Variants in UBE2D2 observed in about 807,000 individuals in gnomAD.
UBE2D2 encodes the protein ubiquitin-conjugating enzyme E2 D2.
Under a neutral mutation model 24.2 loss-of-function variants are expected in UBE2D2, and 2 were observed. The ratio of observed to expected loss-of-function variants is 0.08; its 90% CI spans 0.03 to 0.26. UBE2D2 has a LOEUF of 0.26. Ranked by LOEUF, UBE2D2 falls within the 10% of genes least tolerant of loss-of-function variation. The pLI, the probability that UBE2D2 is intolerant of heterozygous loss-of-function variation, is 1.00. For synonymous variants in UBE2D2, 58 were observed against 56.5 expected, an observed-to-expected ratio of 1.03 and a Z score of -0.12; for missense variants, 44 against 177.6, an observed-to-expected ratio of 0.25 and a Z score of 4.28.
At chr5:139,604,711 C>G (rs944008217) in intron 2 of UBE2D2, among the ~76,000 whole-genome samples, 27 of 151,838 alleles carry the variant, frequency 1.8e-4, no homozygotes, top group Admixed American at 1.2e-3. Flanking sequence ...AAAGCAAGAC[C>G]CCATCTTTAA....
chr5:139,564,375 A>G (rs965900932), intron 1 of UBE2D2, among the ~76,000 whole-genome samples: 2 of 151,424 alleles, frequency 1.3e-5, no homozygotes, highest in African/African-American at 4.9e-5. Context: ...GCTGATTTCT[A>G]GTTCCTGACC....
chr5:139,549,350 G>A (rs904387406), intron 1 of UBE2D2, among the ~76,000 whole-genome samples: 2 of 152,172 alleles, frequency 1.3e-5, no homozygotes, highest in South Asian at 2.1e-4. Context: ...GGAGGGAGAG[G>A]CCCAGGCAGG....
At chr5:139,533,080 C>G (rs1167921301) in intron 1 of UBE2D2, among the ~76,000 whole-genome samples, 2 of 151,232 alleles carry the variant, frequency 1.3e-5, no homozygotes, top group Non-Finnish European at 2.9e-5. Flanking sequence ...TGGACTCCAG[C>G]CTGGGTGACA....
intron 1 of UBE2D2, among the ~76,000 whole-genome samples, chr5:139,591,688 G>A (rs79210753): frequency 6.6e-6 from 1 of 152,292 alleles, no homozygotes; most frequent in East Asian, 1.9e-4. Context: ...TCAAACTCAT[G>A]TAAGTTAATG....
At chr5:139,526,486 G>A (rs1256366774) in exon 1 of UBE2D2, 5 of 152,352 alleles carry the variant, frequency 3.3e-5, no homozygotes, top group Admixed American at 6.5e-5. Flanking sequence ...GAGCGCTCCC[G>A]GGTAGGAAAT....
intron 1 of UBE2D2, among the ~76,000 whole-genome samples, chr5:139,591,144 G>A (rs1190907889): frequency 2.1e-5 from 3 of 143,080 alleles, no homozygotes; most frequent in South Asian, 2.2e-4. Flanking sequence ...TTTTTAAGAC[G>A]GAGTTTCGCT....
chr5:139,585,241 C>A lies in UBE2D2; in HGVS notation c.25-15131C>A, dbSNP rs1346620591. On this transcript the variant is annotated intron_variant, in intron 1 of 6. Coordinates refer to ENST00000398733, the MANE Select transcript of UBE2D2 (RefSeq NM_003339.3). ...TTTTTTTTTTTGAGACAGAGTTTTACCCCATCCCCCAAGATGGTTGGAGTA... is the reference window on the plus strand; with the variant it reads ...TTTTTTTTTTTGAGACAGAGTTTTAACCCATCCCCCAAGATGGTTGGAGTA... Among the ~76,000 whole-genome samples the A allele has an allele frequency of 2.0e-5, 3 of 148,520 alleles. No individual in the cohort carries two copies. In the Admixed American group the frequency reaches 2.0e-4, roughly 10 times the overall value.
chr5:139,573,201 C>T (rs941197181), intron 1 of UBE2D2, among the ~76,000 whole-genome samples: 28 of 151,230 alleles, frequency 1.9e-4, no homozygotes, highest in African/African-American at 6.1e-4. Flanking sequence ...ACTCAGGAGG[C>T]TGAGGCAGGA....
At chr5:139,581,782 C>T (rs1285567289) in intron 1 of UBE2D2, among the ~76,000 whole-genome samples, 1 of 151,918 alleles carries the variant, frequency 6.6e-6, no homozygotes, top group African/African-American at 2.4e-5. Context: ...TATTCTCCTG[C>T]CTCAGCCTCC....
Position 139,561,550 on chromosome 5 carries a change from T to TGGCGGCTAGGGCGGC in UBE2D2, c.-237_-223dup. On this transcript the variant is annotated 5_prime_UTR_variant, in exon 1 of 7. Transcript: ENST00000398733. Reference sequence around the variant, plus strand: ...GAGGCAGCTACGGCGGCGGCGGCGGTGGCGGCTAGGGCGGCGGCGAATAAA... The same window carrying TGGCGGCTAGGGCGGC: ...GAGGCAGCTACGGCGGCGGCGGCGGTGGCGGCTAGGGCGGCGGCGGCTAGGGCGGCGGCGAATAAA... The TGGCGGCTAGGGCGGC allele has an allele frequency of 2.4e-6, 1 of 416,174 alleles. No homozygotes were observed. 25.8% of individuals were successfully genotyped at this position (416,174 alleles called of 1,614,324 possible). A position where few individuals can be genotyped will look rare whatever the true frequency, so the allele number is the denominator to read the frequency against.
At chr5:139,577,919 C>T (rs1561508854) in intron 1 of UBE2D2, among the ~76,000 whole-genome samples, 2 of 152,156 alleles carry the variant, frequency 1.3e-5, no homozygotes, top group Admixed American at 6.6e-5. Flanking sequence ...TTCTGGTTTG[C>T]TATGTAGTTA....
chr5:139,623,284 A>G (rs1186402856), intron 5 of UBE2D2, 84 bp from the exon 6 acceptor site: 2 of 935,426 alleles, frequency 2.1e-6, no homozygotes, highest in Non-Finnish European at 3.2e-6. Context: ...AATTCTTAGA[A>G]TTTTCTCATG....
intron 1 of UBE2D2, among the ~76,000 whole-genome samples, chr5:139,580,964 A>G (rs1753589370): frequency 6.6e-6 from 1 of 152,154 alleles, no homozygotes; most frequent in South Asian, 2.1e-4. Context: ...AAAGTTGTTA[A>G]AGCAACCTGG....
intron 1 of UBE2D2, among the ~76,000 whole-genome samples, chr5:139,580,497 C>T (rs891701214): frequency 2.6e-5 from 4 of 152,052 alleles, no homozygotes; most frequent in African/African-American, 4.8e-5. Context: ...AGTCTCGCTG[C>T]GTGACCCAGG....
intron 1 of UBE2D2, among the ~76,000 whole-genome samples, chr5:139,566,716 A>G (rs756567866): frequency 6.6e-6 from 1 of 152,130 alleles, no homozygotes; most frequent in South Asian, 2.1e-4. Context: ...TCTGATGTCT[A>G]TAAAAGCCAG....
At chr5:139,578,973 T>C (rs1753540225) in intron 1 of UBE2D2, among the ~76,000 whole-genome samples, 1 of 152,172 alleles carries the variant, frequency 6.6e-6, no homozygotes, top group South Asian at 2.1e-4. Context: ...TATTTATTTA[T>C]TTATTTATTT....
At chr5:139,581,170 T>A (rs1753594957) in intron 1 of UBE2D2, among the ~76,000 whole-genome samples, 1 of 152,008 alleles carries the variant, frequency 6.6e-6, no homozygotes, top group Non-Finnish European at 1.5e-5. Flanking sequence ...AAAAGTAGAC[T>A]GGGCGTGGTG....
chr5:139,568,828 G>A (rs1282359168), intron 1 of UBE2D2, among the ~76,000 whole-genome samples: 2 of 152,080 alleles, frequency 1.3e-5, no homozygotes, highest in Admixed American at 6.6e-5. Flanking sequence ...AAAATTAGCC[G>A]GGCATGGTGG....
At chr5:139,601,770 G>C (rs1754083468) in intron 2 of UBE2D2, among the ~76,000 whole-genome samples, 1 of 151,852 alleles carries the variant, frequency 6.6e-6, no homozygotes, top group Non-Finnish European at 1.5e-5. Context: ...ATTTAGCCAG[G>C]CATGGTGACA....
Sources: gnomAD v4.1 joint callset for allele counts (sites outside exome capture counted in the v4.1 genomes callset) on GRCh38, gnomAD v4.1.1 for gene constraint, MANE v1.5 for transcripts, NCBI Gene and HGNC (gene_info 2026-07-23, HGNC 2026-07-21) for gene names.